Variants in HHIPL1 observed in about 807,000 individuals in gnomAD.
The protein encoded by HHIPL1 is HHIP-like protein 1.
Under a neutral mutation model 61.8 loss-of-function variants are expected in HHIPL1, and 43 were observed. The ratio of observed to expected loss-of-function variants is 0.70; its 90% confidence interval spans 0.55 to 0.90. The LOEUF is 0.90. Ranked by LOEUF, HHIPL1 falls within the 40% of genes least tolerant of loss-of-function variation. The pLI is 0.00. For synonymous variants in HHIPL1, 482 were observed against 515.8 expected, an observed-to-expected ratio of 0.93 and a Z score of 0.89; for missense variants, 1,056 against 1,157.7, an observed-to-expected ratio of 0.91 and a Z score of 1.28.
At chr14:99,618,547 A>C in the HHIPL1 span, among the ~76,000 whole-genome samples, 21 of 152,216 alleles carry the variant, frequency 1.4e-4, no homozygotes, top group Non-Finnish European at 1.0e-4. Context: ...GATGTCCCTA[A>C]AGTCTACCTC....
rs1475459649 is a variant in HHIPL1 at position 99,678,336 on chromosome 14, G to A, written c.*2710G>A. 1 of 152,216 alleles carries A rather than the reference G, an allele frequency of 6.6e-6. No individual in the cohort carries two copies. Among genetic ancestry groups the A allele is most frequent in the Non-Finnish European group, 1.5e-5 (1 of 68,036 alleles). 9.4% of individuals were successfully genotyped at this position (152,216 alleles called of 1,614,324 possible). ...TAATAAGAGTGGACAGCTGTTATAT[G>A]TAAATACTTGTTCCCCGATGCTGGA... On this transcript the variant is annotated 3_prime_UTR_variant, in exon 9 of 9. Transcript: ENST00000330710.
chr14:99,646,827 GATATGATATAATATA>G (rs777406387), intron 1 of HHIPL1, among the ~76,000 whole-genome samples: 7,350 of 84,636 alleles, frequency 0.087, 325 homozygotes, highest in African/African-American at 0.17. Flanking sequence ...GATATGATAT[GATATGATATAATATA>G]ATATAATATA....
chr14:99,640,936 G>A (rs1421758523), upstream of HHIPL1, among the ~76,000 whole-genome samples: 1 of 138,940 alleles, frequency 7.2e-6, no homozygotes. Context: ...GCCCAGGCTG[G>A]AGTGCAATGG....
chr14:99,675,663 G>C lies in HHIPL1; in HGVS notation c.*37G>C. 2.7e-6 allele frequency: 4 copies of C among 1,472,972 alleles called. No homozygotes were observed. The highest frequency in any genetic ancestry group is 3.6e-6 in the Non-Finnish European group (4 of 1,112,706). 91.2% of individuals were successfully genotyped at this position (1,472,972 alleles called of 1,614,324 possible). A position where few individuals can be genotyped will look rare whatever the true frequency, so the allele number is the denominator to read the frequency against. ...CTGCCCCAGGCCATCCCGCCGGCGG[G>C]GGAGCCTGGCAGGGGCCGCTCCGCC... On this transcript the variant is annotated 3_prime_UTR_variant, in exon 9 of 9. Coordinates refer to ENST00000330710, the MANE Select transcript of HHIPL1 (RefSeq NM_001127258.3). The surrounding 1 kb of genome is among the most constrained non-coding windows in gnomAD (Gnocchi z 5.4).
chr14:99,675,045 CAGG>C lies in HHIPL1; in HGVS notation c.1814-45_1814-43del. On this transcript the variant is annotated intron_variant, in intron 8 of 8. Coordinates refer to ENST00000330710, the MANE Select transcript of HHIPL1 (RefSeq NM_001127258.3). The surrounding 1 kb of genome is among the most constrained non-coding windows in gnomAD (Gnocchi z 5.4). Reference sequence around the variant, plus strand: ...GCACAGGGTGGGCAGCAGGGCTGGACAGGGGCGCCTGGGTCCCTCTGACGGCAT... The same window carrying C: ...GCACAGGGTGGGCAGCAGGGCTGGACGGCGCCTGGGTCCCTCTGACGGCAT... 9.4e-7 allele frequency: 1 copy of C among 1,066,682 alleles called. No individual in the cohort carries two copies. Among genetic ancestry groups the C allele is most frequent in the Non-Finnish European group, 1.2e-6 (1 of 861,716 alleles). The allele number at this position is 1,066,682 out of a possible 1,614,324, so 66.1% of individuals were successfully genotyped here.
the HHIPL1 span, among the ~76,000 whole-genome samples, chr14:99,617,021 T>TG: frequency 3.3e-5 from 5 of 152,200 alleles, no homozygotes; most frequent in African/African-American, 1.2e-4. Flanking sequence ...GGATCCTTCC[T>TG]GGGGGGCCGA....
At chr14:99,613,709 G>T in the HHIPL1 span, among the ~76,000 whole-genome samples, 5 of 151,976 alleles carry the variant, frequency 3.3e-5, no homozygotes, top group African/African-American at 1.2e-4. Flanking sequence ...AGGAGTTCGA[G>T]ACCAGCCTGG....
chr14:99,624,111 T>G, the HHIPL1 span, among the ~76,000 whole-genome samples: 9 of 152,082 alleles, frequency 5.9e-5, no homozygotes, highest in Non-Finnish European at 1.0e-4. Flanking sequence ...GAATGGAAAC[T>G]CAGAAGGGCC....
chr14:99,673,165 G>A (rs1012272652), intron 8 of HHIPL1, among the ~76,000 whole-genome samples: 4 of 152,144 alleles, frequency 2.6e-5, no homozygotes, highest in African/African-American at 7.2e-5. Context: ...GTGTGTATGG[G>A]GGTGGGGAGG....
In HHIPL1 at chr14:99,652,514, G is replaced by A; in HGVS notation, c.546G>A (p.Leu182=). 1 of 1,613,644 alleles carries A rather than the reference G, an allele frequency of 6.2e-7. No individual in the cohort carries two copies. The highest frequency in any genetic ancestry group is 8.5e-7 in the Non-Finnish European group (1 of 1,180,036). ...TGGTAGCCGATGCCAAGGGCTGCCT[G>A]CAGCTGTGCCTGGAGGAGGTGGCCA... is the stretch of plus-strand genomic sequence containing the variant. ...GHVVADAKGC[L]QLCLEEVANG... Residue 182 remains leucine (L), a synonymous_variant, in exon 2 of 9, where the codon CTG becomes CTA. Transcript: ENST00000330710.
intron 6 of HHIPL1, among the ~76,000 whole-genome samples, chr14:99,666,464 G>A (rs2056247954): frequency 6.6e-6 from 1 of 152,208 alleles, no homozygotes; most frequent in Non-Finnish European, 1.5e-5. Flanking sequence ...GCCTGGTCCA[G>A]CCTTGTCATT....
At chr14:99,633,858 T>C in the HHIPL1 span, among the ~76,000 whole-genome samples, 1 of 152,214 alleles carries the variant, frequency 6.6e-6, no homozygotes, top group Non-Finnish European at 1.5e-5. Flanking sequence ...ACAGGCATTC[T>C]GATAGCTTTC....
chr14:99,647,161 G>A (rs978809928), intron 1 of HHIPL1, among the ~76,000 whole-genome samples: 1 of 152,170 alleles, frequency 6.6e-6, no homozygotes, highest in African/African-American at 2.4e-5. Context: ...TAGGTGGGAA[G>A]CAGTAGACTC....
chr14:99,623,118 G>A, the HHIPL1 span, among the ~76,000 whole-genome samples: 1 of 152,200 alleles, frequency 6.6e-6, no homozygotes, highest in South Asian at 2.1e-4. Context: ...AGCTGGGGAA[G>A]AGCACCCTAG....
At chr14:99,632,038 G>C in the HHIPL1 span, among the ~76,000 whole-genome samples, 2 of 152,150 alleles carry the variant, frequency 1.3e-5, no homozygotes, top group Non-Finnish European at 1.5e-5. Context: ...CAGGGCCAGT[G>C]GGGGTGAGAC....
chr14:99,620,997 G>T, the HHIPL1 span, among the ~76,000 whole-genome samples: 167 of 152,376 alleles, frequency 1.1e-3, no homozygotes, highest in African/African-American at 3.6e-3. Context: ...AGGTGAACAA[G>T]CTAAGAGAGC....
upstream of HHIPL1, among the ~76,000 whole-genome samples, chr14:99,643,800 C>A (rs992116390): frequency 7.2e-5 from 11 of 152,184 alleles, no homozygotes; most frequent in African/African-American, 2.7e-4. Context: ...TTCTCCTCCT[C>A]TGTCTGTGCA....
upstream of HHIPL1, chr14:99,645,127 G>A (rs1031307166): frequency 1.1e-5 from 13 of 1,185,776 alleles, no homozygotes; most frequent in African/African-American, 1.7e-4. Context: ...GGGAGCGCCC[G>A]CCCCTTCCCT....
chr14:99,637,477 CAGG>C, the HHIPL1 span, among the ~76,000 whole-genome samples: 16,323 of 151,668 alleles, frequency 0.11, 868 homozygotes, highest in Middle Eastern at 0.18. Flanking sequence ...GAGGCTGAGG[CAGG>C]AGAATTGCTT....
Sources: allele counts gnomAD v4.1 joint callset (sites outside exome capture counted in the v4.1 genomes callset), GRCh38; gene constraint gnomAD v4.1.1; non-coding constraint Gnocchi (gnomAD v3.1); transcripts MANE v1.5; gene names NCBI Gene and HGNC (gene_info 2026-07-23, HGNC 2026-07-21).